PPARGC1B: variants seen among roughly 807,000 people sequenced by gnomAD.
The protein encoded by PPARGC1B is PPARG coactivator 1 beta.
PPARGC1B carries 34 observed loss-of-function variants against 101.6 expected under a neutral mutation model. That is an observed-to-expected ratio of 0.33 (90% CI 0.25 to 0.45). The LOEUF is 0.45. PPARGC1B is among the 20% of genes least tolerant of loss of function. PPARGC1B has a pLI of 1.00. For missense variants in PPARGC1B, 1,234 were observed against 1,317.6 expected, an observed-to-expected ratio of 0.94 and a Z score of 0.98; for synonymous variants, 548 against 539.3, an observed-to-expected ratio of 1.02 and a Z score of -0.22.
intron 1 of PPARGC1B, chr5:149,771,935 G>A (rs1756147815): frequency 8.5e-7 from 1 of 1,170,174 alleles, no homozygotes; most frequent in Admixed American, 3.2e-5. Flanking sequence ...TTAGCATTCT[G>A]CTTTACATTC....
intron 4 of PPARGC1B, 93 bp downstream of exon 4, chr5:149,830,976 C>T: frequency 4.7e-6 from 4 of 848,394 alleles, no homozygotes; most frequent in East Asian, 2.4e-5. Context: ...AGTCAACCTC[C>T]AATATCTCTT....
At chr5:149,764,494 A>G (rs1428810290) in intron 1 of PPARGC1B, among the ~76,000 whole-genome samples, 3 of 152,192 alleles carry the variant, frequency 2.0e-5, no homozygotes, top group African/African-American at 2.4e-5. Flanking sequence ...AAGGTGCCAG[A>G]CCCAAGTAGA....
intron 1 of PPARGC1B, among the ~76,000 whole-genome samples, chr5:149,780,844 T>C (rs1057148769): frequency 6.6e-6 from 1 of 152,054 alleles, no homozygotes; most frequent in Non-Finnish European, 1.5e-5. Flanking sequence ...CCTGCAAACA[T>C]TGGCACGGGA....
At chr5:149,792,559 A>G (rs1757059002) in intron 1 of PPARGC1B, among the ~76,000 whole-genome samples, 1 of 152,140 alleles carries the variant, frequency 6.6e-6, no homozygotes, top group South Asian at 2.1e-4. Context: ...GGACGCTGGG[A>G]TTCTAATTCT....
chr5:149,840,329 A>G (rs986128693), intron 9 of PPARGC1B, among the ~76,000 whole-genome samples: 1 of 152,180 alleles, frequency 6.6e-6, no homozygotes, highest in African/African-American at 2.4e-5. Context: ...AGGTGGCACC[A>G]TGCAAAGTTC....
intron 1 of PPARGC1B, among the ~76,000 whole-genome samples, chr5:149,810,126 A>G (rs1489747045): frequency 6.6e-6 from 1 of 152,220 alleles, no homozygotes; most frequent in Non-Finnish European, 1.5e-5. Context: ...AAGCCTAACA[A>G]CATGTACCTG....
rs1759639178 is a variant in PPARGC1B, at chr5:149,848,016, A to G, written c.*458A>G. The G allele has an allele frequency of 5.7e-6, 1 of 175,212 alleles. No individual in the cohort carries two copies. The highest frequency in any genetic ancestry group is 5.4e-5 in the Admixed American group (1 of 18,414). The allele number at this position is 175,212 out of a possible 1,614,324, so 10.9% of individuals were successfully genotyped here. On this transcript the variant is annotated 3_prime_UTR_variant, in exon 12 of 12. Transcript: ENST00000309241. ...AAAAAGTATATCCTTAAAATAATGT[A>G]TTTATGGCTCAGATGTACTGTGCCT... is the stretch of plus-strand genomic sequence containing the variant.
chr5:149,755,040 C>CATAT (rs761461783), intron 1 of PPARGC1B, among the ~76,000 whole-genome samples: 4 of 85,254 alleles, frequency 4.7e-5, no homozygotes, highest in South Asian at 3.6e-4. Context: ...ACTACATATA[C>CATAT]ATATACATAT....
chr5:149,730,486 C>A lies in PPARGC1B; in HGVS notation c.78+66C>A. On this transcript the variant is annotated intron_variant, in intron 1 of 11. Coordinates refer to ENST00000309241, the MANE Select transcript of PPARGC1B (RefSeq NM_133263.4). This position sits in a 1 kb window ranked among gnomAD's most constrained non-coding sequence, Gnocchi z 4.0. ...TGAGCTGCGGGGGCCGCAGCTGCAG[C>A]CGCGGAGGCCGGGAGGCAGCGGTGG... is the stretch of plus-strand genomic sequence containing the variant. 1 of 1,326,542 alleles carries A rather than the reference C, an allele frequency of 7.5e-7. No individual in the cohort carries two copies. Among genetic ancestry groups the A allele is most frequent in the South Asian group, 1.5e-5 (1 of 68,090 alleles). 82.2% of individuals were successfully genotyped at this position (1,326,542 alleles called of 1,614,324 possible). A position where few individuals can be genotyped will look rare whatever the true frequency, so the allele number is the denominator to read the frequency against.
rs577976438 is a variant in PPARGC1B, at chr5:149,850,760, C to G, written c.*3202C>G. On this transcript the variant is annotated 3_prime_UTR_variant, in exon 12 of 12. Coordinates refer to ENST00000309241, the MANE Select transcript of PPARGC1B (RefSeq NM_133263.4). Reference sequence around the variant, plus strand: ...TAGACTGTGTCGATAGCCGCCCGCACAGGGCAGGTCGTACTGTCCGTTTCT... The same window carrying G: ...TAGACTGTGTCGATAGCCGCCCGCAGAGGGCAGGTCGTACTGTCCGTTTCT... 1 of 152,348 alleles carries G rather than the reference C, an allele frequency of 6.6e-6. No homozygotes were observed. Among genetic ancestry groups the G allele is most frequent in the Non-Finnish European group, 1.5e-5 (1 of 68,058 alleles). 9.4% of individuals were successfully genotyped at this position (152,348 alleles called of 1,614,324 possible).
intron 1 of PPARGC1B, among the ~76,000 whole-genome samples, chr5:149,779,882 A>G (rs958893596): frequency 2.0e-5 from 3 of 152,058 alleles, no homozygotes; most frequent in Non-Finnish European, 4.4e-5. Flanking sequence ...ATGATTGAGA[A>G]AGGAGTAGAT....
At chr5:149,768,546 C>T (rs751257048) in intron 1 of PPARGC1B, among the ~76,000 whole-genome samples, 9 of 149,854 alleles carry the variant, frequency 6.0e-5, no homozygotes, top group Non-Finnish European at 1.0e-4. Flanking sequence ...CAGGTTCAAG[C>T]GATTCTGCCA....
intron 4 of PPARGC1B, among the ~76,000 whole-genome samples, chr5:149,831,602 C>T (rs1032560354): frequency 2.0e-5 from 3 of 152,182 alleles, no homozygotes; most frequent in African/African-American, 7.2e-5. Context: ...AAAGGTCCAC[C>T]CTCTCGTGCC....
intron 1 of PPARGC1B, among the ~76,000 whole-genome samples, chr5:149,775,572 C>G (rs576712678): frequency 6.6e-6 from 1 of 152,296 alleles, no homozygotes; most frequent in Non-Finnish European, 1.5e-5. Context: ...GCCTCAGAAT[C>G]CACTGCAAAA....
intron 1 of PPARGC1B, among the ~76,000 whole-genome samples, chr5:149,809,290 A>G (rs1458352678): frequency 2.5e-4 from 3 of 11,780 alleles, no homozygotes; most frequent in African/African-American, 5.4e-4. Flanking sequence ...CATCTCTACC[A>G]TAGATAGATA....
chr5:149,799,950 C>A (rs961682528), intron 1 of PPARGC1B, among the ~76,000 whole-genome samples: 1 of 151,984 alleles, frequency 6.6e-6, no homozygotes, highest in Non-Finnish European at 1.5e-5. Context: ...TCACCCATCT[C>A]GGCCTCCCAA....
chr5:149,735,863 C>T (rs1043850291), intron 1 of PPARGC1B, among the ~76,000 whole-genome samples: 42 of 152,336 alleles, frequency 2.8e-4, no homozygotes, highest in African/African-American at 9.6e-4. Context: ...CGGCGGCTCA[C>T]GCCTGTAATA....
intron 9 of PPARGC1B, 79 bp downstream of exon 9, chr5:149,840,195 T>C: frequency 7.2e-7 from 1 of 1,386,992 alleles, no homozygotes; most frequent in Non-Finnish European, 9.8e-7. Flanking sequence ...GACCAAAGCC[T>C]TTTGAGGCTG....
intron 1 of PPARGC1B, among the ~76,000 whole-genome samples, chr5:149,760,987 C>T (rs954719706): frequency 5.9e-5 from 9 of 152,270 alleles, no homozygotes; most frequent in African/African-American, 2.2e-4. Context: ...GGCATCTGGG[C>T]GGATTTGTTC....
Sources: gnomAD v4.1 joint callset for allele counts (sites outside exome capture counted in the v4.1 genomes callset) on GRCh38, gnomAD v4.1.1 for gene constraint, Gnocchi (gnomAD v3.1) non-coding constraint, MANE v1.5 for transcripts, NCBI Gene and HGNC (gene_info 2026-07-23, HGNC 2026-07-21) for gene names.